The following THSD7B variants were observed in gnomAD, a reference collection of about 807,000 sequenced individuals.
THSD7B encodes thrombospondin type-1 domain-containing protein 7B.
A neutral mutation model predicts 213.6 loss-of-function variants in THSD7B; 138 were observed. The ratio of observed to expected loss-of-function variants is 0.65; its 90% CI spans 0.56 to 0.74. The LOEUF is 0.74. THSD7B is among the 30% of genes least tolerant of loss of function. The pLI is 0.00. For missense variants in THSD7B, 1,931 were observed against 1,991.5 expected, an observed-to-expected ratio of 0.97 and a Z score of 0.58; for synonymous variants, 742 against 687.0, an observed-to-expected ratio of 1.08 and a Z score of -1.25.
intron 5 of THSD7B, among the ~76,000 whole-genome samples, chr2:137,143,319 C>G (rs1406364547): frequency 6.6e-6 from 1 of 152,112 alleles, no homozygotes; most frequent in Non-Finnish European, 1.5e-5. Flanking sequence ...AAATGATAAG[C>G]CCATCAAAAC....
intron 2 of THSD7B, among the ~76,000 whole-genome samples, chr2:136,995,209 A>C (rs1017870859): frequency 1.3e-5 from 2 of 152,218 alleles, no homozygotes; most frequent in Non-Finnish European, 2.9e-5. Context: ...GTCTGTGACC[A>C]GAAGGTGGGA....
intron 7 of THSD7B, among the ~76,000 whole-genome samples, chr2:137,211,306 T>A (rs1681096564): frequency 7.9e-5 from 1 of 12,652 alleles, no homozygotes; most frequent in African/African-American, 2.2e-4. Context: ...AGATTGCTTG[T>A]CTATTCAACA....
intron 12 of THSD7B, among the ~76,000 whole-genome samples, chr2:137,285,549 G>A (rs1315017814): frequency 6.8e-6 from 1 of 147,966 alleles, no homozygotes; most frequent in Non-Finnish European, 1.5e-5. Flanking sequence ...ACCAGTTGTT[G>A]CTTTCCATGT....
At chr2:137,082,956 T>A (rs1553469546) in intron 3 of THSD7B, among the ~76,000 whole-genome samples, 1 of 152,134 alleles carries the variant, frequency 6.6e-6, no homozygotes, top group Non-Finnish European at 1.5e-5. Context: ...TATGTCTGTG[T>A]GCTTATCTCT....
In THSD7B at chr2:136,931,722, C is replaced by G. The variant is rs1333400345; in HGVS notation, c.139+49405C>G. ...ATAAAGATCCATATAATCCATATAA[C>G]AGTCCATGATACATTCTACATTAAC... On this transcript the variant is annotated intron_variant, in intron 2 of 27. Transcript: ENST00000409968. Among the ~76,000 whole-genome samples, 4 of 152,112 alleles carry G rather than the reference C, an allele frequency of 2.6e-5. No homozygotes were observed. In the South Asian group the frequency reaches 8.3e-4, roughly 31 times the overall value.
chr2:137,424,471 A>G (rs1328817852), intron 14 of THSD7B, among the ~76,000 whole-genome samples: 10 of 152,200 alleles, frequency 6.6e-5, no homozygotes. Context: ...TGTAGATGCA[A>G]TAATCCTCAA....
At chr2:137,035,405 G>C (rs968340691) in intron 2 of THSD7B, among the ~76,000 whole-genome samples, 5 of 152,192 alleles carry the variant, frequency 3.3e-5, no homozygotes, top group East Asian at 1.9e-4. Context: ...GCTAGTAGAA[G>C]ATATTGTAGA....
At chr2:137,257,970 C>T (rs1215972002) in intron 10 of THSD7B, among the ~76,000 whole-genome samples, 2 of 152,122 alleles carry the variant, frequency 1.3e-5, no homozygotes, top group East Asian at 1.9e-4. Context: ...ATGGGAATGA[C>T]AAGAGTAATT....
chr2:136,796,067 T>A (rs1682056779), intron 1 of THSD7B, among the ~76,000 whole-genome samples: 1 of 151,974 alleles, frequency 6.6e-6, no homozygotes, highest in Non-Finnish European at 1.5e-5. Context: ...CTCTCTGAAA[T>A]GTTAGTTCAT....
At chr2:137,194,857 A>G (rs1680728139) in intron 7 of THSD7B, among the ~76,000 whole-genome samples, 1 of 152,174 alleles carries the variant, frequency 6.6e-6, no homozygotes, top group Non-Finnish European at 1.5e-5. Flanking sequence ...CACTCATATC[A>G]TCTGCATAAA....
chr2:137,527,065 A>T (rs1028418558), intron 15 of THSD7B, among the ~76,000 whole-genome samples: 2 of 152,192 alleles, frequency 1.3e-5, no homozygotes, highest in African/African-American at 4.8e-5. Flanking sequence ...TGCTGGAAGG[A>T]AGTATTGATT....
intron 3 of THSD7B, among the ~76,000 whole-genome samples, chr2:137,073,825 C>T (rs1195087462): frequency 6.6e-6 from 1 of 152,186 alleles, no homozygotes; most frequent in African/African-American, 2.4e-5. Context: ...TTTATTTCTG[C>T]CTTCAGTTCG....
intron 27 of THSD7B, among the ~76,000 whole-genome samples, chr2:137,672,517 T>C (rs778617249): frequency 4.6e-5 from 7 of 152,326 alleles, no homozygotes; most frequent in Non-Finnish European, 5.9e-5. Flanking sequence ...TGTTGACCTA[T>C]TACAGACCTA....
At chr2:137,425,194 C>A (rs949194486) in intron 14 of THSD7B, among the ~76,000 whole-genome samples, 1 of 151,430 alleles carries the variant, frequency 6.6e-6, no homozygotes, top group Non-Finnish European at 1.5e-5. Context: ...TAAGAGTAAT[C>A]TAGAGATGAT....
intron 15 of THSD7B, among the ~76,000 whole-genome samples, chr2:137,550,615 G>C (rs77553382): frequency 0.074 from 11,229 of 152,170 alleles, 451 homozygotes; most frequent in African/African-American, 0.09. Context: ...AAGGGGCACT[G>C]TGTGCAACAT....
chr2:137,396,914 T>C (rs1246506171), intron 12 of THSD7B, among the ~76,000 whole-genome samples: 3 of 148,338 alleles, frequency 2.0e-5, no homozygotes, highest in East Asian at 1.9e-4. Context: ...TTTACCATTA[T>C]GTAATGGCCT....
At chr2:136,843,088 ATT>A (rs58411751) in intron 1 of THSD7B, among the ~76,000 whole-genome samples, 32,177 of 128,446 alleles carry the variant, frequency 0.25, 3,412 homozygotes, top group East Asian at 0.38. Flanking sequence ...GAGTGGTTTC[ATT>A]TTTTTTTTTT....
chr2:137,626,233 C>T (rs191436795), intron 20 of THSD7B, among the ~76,000 whole-genome samples: 84 of 152,224 alleles, frequency 5.5e-4, no homozygotes, highest in Non-Finnish European at 9.1e-4. Context: ...GAGGCCGAGG[C>T]GGGCGGATCA....
Position 137,450,996 on chromosome 2 carries a change from A to G in THSD7B, c.3111A>G (p.Pro1037=), listed in dbSNP as rs1231141198. 14 of 1,605,540 alleles carry G rather than the reference A, an allele frequency of 8.7e-6. No individual in the cohort carries two copies. The highest frequency in any genetic ancestry group is 1.2e-5 in the Non-Finnish European group (14 of 1,175,690). Residue 1037 remains proline (P), a synonymous_variant, in exon 15 of 28, where the codon CCA becomes CCG. Transcript: ENST00000409968. ...LKEKPYNGGR[P]CPKLDLKNQV... ...AAAAACCTTACAATGGAGGACGACCATGTCCCAAACTGGATCTCAAGAATC... is the reference window on the plus strand; with the variant it reads ...AAAAACCTTACAATGGAGGACGACCGTGTCCCAAACTGGATCTCAAGAATC...
Sources: gnomAD v4.1 joint callset for allele counts (sites outside exome capture counted in the v4.1 genomes callset) on GRCh38, gnomAD v4.1.1 for gene constraint, MANE v1.5 for transcripts, NCBI Gene and HGNC (gene_info 2026-07-23, HGNC 2026-07-21) for gene names.